COL19A1: variants seen among roughly 807,000 people sequenced by gnomAD.
COL19A1 encodes collagen type XIX alpha 1 chain.
Under a neutral mutation model 190.2 loss-of-function variants are expected in COL19A1, and 159 were observed. The observed-to-expected ratio is 0.84, with a 90% CI of 0.73 to 0.95. The LOEUF is 0.95. Among genes scored for constraint, COL19A1 ranks in the 40% least tolerant of loss-of-function variants. COL19A1 has a pLI of 0.00. For missense variants in COL19A1, 1,418 were observed against 1,431.9 expected (o/e 0.99, Z 0.16); for synonymous variants, 509 against 458.9 (o/e 1.11, Z -1.39).
intron 11 of COL19A1, among the ~76,000 whole-genome samples, chr6:69,999,389 C>T (rs1233632907): frequency 6.6e-6 from 1 of 151,934 alleles, no homozygotes. Flanking sequence ...TTTTAAATAG[C>T]TAGATGTCAT....
At chr6:70,116,302 C>CA (rs1014337625) in intron 16 of COL19A1, among the ~76,000 whole-genome samples, 68 of 152,110 alleles carry the variant, frequency 4.5e-4, no homozygotes, top group African/African-American at 1.6e-3. Flanking sequence ...AACCAACAAA[C>CA]AAAAAAATGG....
chr6:70,069,187 G>A (rs1781414495), intron 15 of COL19A1, among the ~76,000 whole-genome samples: 2 of 152,104 alleles, frequency 1.3e-5, no homozygotes, highest in African/African-American at 4.8e-5. Flanking sequence ...TACAGGTACT[G>A]TCAACTTCTG....
At chr6:70,102,252 T>C in intron 16 of COL19A1, 30 bp downstream of exon 16, 3 of 1,495,114 alleles carry the variant, frequency 2.0e-6, no homozygotes, top group Non-Finnish European at 2.8e-6. Flanking sequence ...ACTGTCCCTT[T>C]AAAGAGTCTG....
In COL19A1 at chr6:69,886,617, G is replaced by GT. The variant is rs1014367983; in HGVS notation, c.91+6971dup. 4.6e-3 allele frequency among the ~76,000 whole-genome samples: 655 copies of GT among 141,190 alleles called. 3 individuals are homozygous for GT. Among genetic ancestry groups the GT allele is most frequent in the African/African-American group, 0.012 (438 of 37,774 alleles). 92.6% of individuals were successfully genotyped at this position (141,190 alleles called of 152,430 possible). ...GATGGATGAATGGAAAAAGCAGTGC[G>GT]TTTTTTTTTTTTGTGTGGTGAAATT... On this transcript the variant is annotated intron_variant, in intron 2 of 50. Transcript: ENST00000620364.
intron 16 of COL19A1, among the ~76,000 whole-genome samples, chr6:70,103,531 A>G (rs1783765145): frequency 6.6e-6 from 1 of 152,120 alleles, no homozygotes; most frequent in South Asian, 2.1e-4. Flanking sequence ...TGGGCCCTTC[A>G]TGGTTTGCCT....
At chr6:70,038,291 C>T (rs567460147) in intron 14 of COL19A1, among the ~76,000 whole-genome samples, 76 of 152,218 alleles carry the variant, frequency 5.0e-4, no homozygotes, top group Non-Finnish European at 9.7e-4. Context: ...TGGGGCTCCA[C>T]CCCCAGAAAT....
intron 2 of COL19A1, among the ~76,000 whole-genome samples, chr6:69,885,424 A>T (rs1768854316): frequency 6.6e-6 from 1 of 152,210 alleles, no homozygotes. Flanking sequence ...TAATTAAATG[A>T]CTACTGTAGT....
chr6:70,081,096 C>T (rs1782219958), intron 15 of COL19A1, among the ~76,000 whole-genome samples: 1 of 152,038 alleles, frequency 6.6e-6, no homozygotes, highest in African/African-American at 2.4e-5. Flanking sequence ...ATTGCATGAC[C>T]TGAGTGCGTC....
At chr6:70,194,655 T>G (rs1009628679) in intron 48 of COL19A1, among the ~76,000 whole-genome samples, 6 of 152,196 alleles carry the variant, frequency 3.9e-5, no homozygotes, top group Non-Finnish European at 8.8e-5. Context: ...CCAGTGATGC[T>G]GCCCACACAA....
At position 69,866,823 on chromosome 6, in the gene COL19A1, G is replaced by A. The variant is rs188451817; in HGVS notation, c.-33+183G>A. 1.4e-4 allele frequency among the ~76,000 whole-genome samples: 22 copies of A among 152,334 alleles called. No individual in the cohort carries two copies. The East Asian group carries it at 2.1e-3, about 15-fold the overall frequency. ...ATGCACACCTGCATACGTTTCCATAGGGGCCTTAAGGATGGGACCAAAAAC... is the reference window on the plus strand; with the variant it reads ...ATGCACACCTGCATACGTTTCCATAAGGGCCTTAAGGATGGGACCAAAAAC... On this transcript the variant is annotated intron_variant, in intron 1 of 50. Transcript: ENST00000620364.
At chr6:70,155,318 T>C (rs913176644) in intron 31 of COL19A1, among the ~76,000 whole-genome samples, 6 of 152,180 alleles carry the variant, frequency 3.9e-5, no homozygotes, top group Admixed American at 3.9e-4. Context: ...ACTGTTAAAC[T>C]ATCTCCCCCA....
chr6:70,100,490 T>C (rs932960883), intron 15 of COL19A1, among the ~76,000 whole-genome samples: 1 of 151,780 alleles, frequency 6.6e-6, no homozygotes, highest in African/African-American at 2.4e-5. Flanking sequence ...AAATGAAAGA[T>C]AAGAGAAAAC....
rs146452338 is a variant in COL19A1 at position 70,051,581 on chromosome 6, A to G, written c.1170+15642A>G. Among the ~76,000 whole-genome samples, 4 of 152,286 alleles carry G rather than the reference A, an allele frequency of 2.6e-5. No individual in the cohort carries two copies. The East Asian group carries it at 5.8e-4, about 22-fold the overall frequency. ...TGCCCTTTGCCAAAAGGGAGACTTT[A>G]TCTTTAACATTCTAAACAGTAAGCA... On this transcript the variant is annotated intron_variant, in intron 14 of 50. Transcript: ENST00000620364.
In COL19A1 at chr6:70,045,343, C is replaced by T. The variant is rs187774600; in HGVS notation, c.1170+9404C>T. Among the ~76,000 whole-genome samples the T allele has an allele frequency of 3.8e-3, 571 of 150,270 alleles. 3 individuals are homozygous for T. The highest frequency in any genetic ancestry group is 8.5e-3 in the African/African-American group (347 of 40,870). On this transcript the variant is annotated intron_variant, in intron 14 of 50. Coordinates refer to ENST00000620364, the MANE Select transcript of COL19A1 (RefSeq NM_001858.6). ...AAAAAAAAAAAAAAAAAACTTTCTCCGATCATTCTGTCATCTGAGTAATAT... is the reference window on the plus strand; with the variant it reads ...AAAAAAAAAAAAAAAAAACTTTCTCTGATCATTCTGTCATCTGAGTAATAT...
intron 14 of COL19A1, among the ~76,000 whole-genome samples, chr6:70,038,820 C>T (rs1244906920): frequency 6.6e-6 from 1 of 152,142 alleles, no homozygotes; most frequent in Non-Finnish European, 1.5e-5. Context: ...GCTTAGCACC[C>T]TCTTCCCAGT....
chr6:70,156,812 C>G, intron 34 of COL19A1, 89 bp downstream of exon 34: 2 of 962,954 alleles, frequency 2.1e-6, no homozygotes, highest in Non-Finnish European at 3.1e-6. Context: ...TTCTATAGCT[C>G]AGATCTGATG....
At chr6:70,158,675 T>G (rs1469115472) in intron 34 of COL19A1, among the ~76,000 whole-genome samples, 17 of 152,032 alleles carry the variant, frequency 1.1e-4, no homozygotes, top group Admixed American at 1.1e-3. Flanking sequence ...GGATAATAAT[T>G]GATAAATTAG....
chr6:70,039,087 C>A (rs1779503403), intron 14 of COL19A1, among the ~76,000 whole-genome samples: 1 of 152,006 alleles, frequency 6.6e-6, no homozygotes, highest in South Asian at 2.1e-4. Context: ...GGTTCTCTAT[C>A]TTGACTGCAC....
intron 31 of COL19A1, among the ~76,000 whole-genome samples, chr6:70,154,993 G>C (rs1787348731): frequency 6.6e-6 from 1 of 152,036 alleles, no homozygotes. Context: ...AATCTCCTTT[G>C]GCAACACCCT....
Sources: gnomAD v4.1 joint callset for allele counts (sites outside exome capture counted in the v4.1 genomes callset) on GRCh38, gnomAD v4.1.1 for gene constraint, MANE v1.5 for transcripts, NCBI Gene and HGNC (gene_info 2026-07-23, HGNC 2026-07-21) for gene names.